GLP2R: variants seen among roughly 807,000 people sequenced by gnomAD.
GLP2R encodes the protein glucagon like peptide 2 receptor.
In GLP2R, 59 loss-of-function variants were observed where a neutral mutation model predicts 68.2. The observed-to-expected ratio is 0.87, with a 90% CI of 0.70 to 1.07. GLP2R has a LOEUF of 1.07. Among genes scored for constraint, GLP2R ranks in the 50% least tolerant of loss-of-function variants. The pLI is 0.00. For missense variants in GLP2R, 548 were observed against 677.4 expected, an observed-to-expected ratio of 0.81 and a Z score of 2.12; for synonymous variants, 270 against 265.4, an observed-to-expected ratio of 1.02 and a Z score of -0.17.
At chr17:9,873,719 G>C (rs1321372939) in intron 10 of GLP2R, among the ~76,000 whole-genome samples, 1 of 152,114 alleles carries the variant, frequency 6.6e-6, no homozygotes, top group Non-Finnish European at 1.5e-5. Context: ...TACACAGCCA[G>C]TGTGGAGGAC....
chr17:9,855,535 A>G (rs1258904962), intron 5 of GLP2R, among the ~76,000 whole-genome samples: 1 of 152,218 alleles, frequency 6.6e-6, no homozygotes, highest in Non-Finnish European at 1.5e-5. Flanking sequence ...CCCAAGGTAA[A>G]CAAATGGATG....
intron 11 of GLP2R, among the ~76,000 whole-genome samples, chr17:9,882,425 C>T (rs2067205540): frequency 6.6e-6 from 1 of 152,186 alleles, no homozygotes. Flanking sequence ...TGACAAGCCC[C>T]CACATATTTC....
chr17:9,882,655 A>T (rs1029518917), intron 11 of GLP2R, among the ~76,000 whole-genome samples: 1 of 152,228 alleles, frequency 6.6e-6, no homozygotes, highest in Non-Finnish European at 1.5e-5. Context: ...AAGGGTATGG[A>T]AGTCTTATGG....
chr17:9,842,207 C>G lies in GLP2R; in HGVS notation c.383-288C>G, dbSNP rs569281048. On this transcript the variant is annotated intron_variant, in intron 3 of 12. Transcript: ENST00000262441. ...AGGAGCCCAGATTGGCATCTCCCAG[C>G]TGGGCTGAACCTTGGAGGGCTTATA... Among the ~76,000 whole-genome samples the G allele has an allele frequency of 6.6e-4, 101 of 152,324 alleles. No homozygotes were observed. The South Asian group carries it at 9.3e-3, about 14-fold the overall frequency.
In GLP2R at chr17:9,890,666, T is replaced by C. The variant is rs1329247947; in HGVS notation, c.*961T>C. ...CCATTGATGCATTGATTGTCACACCTGTTGTCCCAGGAAGTTGACCTATAA... is the reference window on the plus strand; with the variant it reads ...CCATTGATGCATTGATTGTCACACCCGTTGTCCCAGGAAGTTGACCTATAA... On this transcript the variant is annotated 3_prime_UTR_variant, in exon 13 of 13. Coordinates refer to ENST00000262441, the MANE Select transcript of GLP2R (RefSeq NM_004246.3). The C allele has an allele frequency of 2.6e-5, 4 of 152,436 alleles. No individual in the cohort carries two copies. Among genetic ancestry groups the C allele is most frequent in the Admixed American group, 2.0e-4 (3 of 15,292 alleles). The allele number at this position is 152,436 out of a possible 1,614,324, so 9.4% of individuals were successfully genotyped here.
intron 9 of GLP2R, chr17:9,865,688 G>A: frequency 7.8e-6 from 3 of 384,064 alleles, no homozygotes; most frequent in South Asian, 4.1e-5. Flanking sequence ...CTTGGAAACT[G>A]AGTCCTTTAT....
intron 1 of GLP2R, among the ~76,000 whole-genome samples, chr17:9,831,870 G>A (rs2066683144): frequency 6.6e-6 from 1 of 152,160 alleles, no homozygotes; most frequent in African/African-American, 2.4e-5. Context: ...CAAGGGGAAG[G>A]GAGCTGCTGT....
intron 10 of GLP2R, among the ~76,000 whole-genome samples, chr17:9,878,268 C>T (rs1465584368): frequency 2.0e-5 from 3 of 152,290 alleles, no homozygotes; most frequent in African/African-American, 4.8e-5. Flanking sequence ...CAGATCTCCT[C>T]ATTTTTCAAA....
At chr17:9,854,807 T>C (rs149945010) in intron 5 of GLP2R, among the ~76,000 whole-genome samples, 2 of 152,316 alleles carry the variant, frequency 1.3e-5, no homozygotes, top group African/African-American at 4.8e-5. Context: ...TAAAGTTTAA[T>C]TTATAAATTA....
intron 4 of GLP2R, among the ~76,000 whole-genome samples, chr17:9,849,699 G>A (rs1597385669): frequency 7.7e-6 from 1 of 130,142 alleles, no homozygotes; most frequent in Non-Finnish European, 1.5e-5. Flanking sequence ...TGCCAGCTCC[G>A]CCTCCTGGGT....
Position 9,889,736 on chromosome 17 carries a change from C to A in GLP2R, c.*31C>A. 7.1e-7 allele frequency: 1 copy of A among 1,403,988 alleles called. No homozygotes were observed. Among genetic ancestry groups the A allele is most frequent in the Non-Finnish European group, 9.6e-7 (1 of 1,037,736 alleles). 87.0% of individuals were successfully genotyped at this position (1,403,988 alleles called of 1,614,324 possible). ...AGTTCCACCACCCTGGCTCTGCTCC[C>A]AGGGACTCTTGAGGGGGCCCAGGAA... On this transcript the variant is annotated 3_prime_UTR_variant, in exon 13 of 13. Coordinates refer to ENST00000262441, the MANE Select transcript of GLP2R (RefSeq NM_004246.3).
In GLP2R at chr17:9,889,502, G is replaced by T. The variant is rs374730115; in HGVS notation, c.1459G>T (p.Ala487Ser). ...CPKKLSEGDG[A>S]EKLRKLQPSL... is the part of the protein sequence containing the mutation. Reference sequence around the variant, plus strand: ...CAAGAAGCTCTCGGAAGGAGATGGCGCTGAGAAGCTTCGGAAGCTGCAGCC... The same window carrying T: ...CAAGAAGCTCTCGGAAGGAGATGGCTCTGAGAAGCTTCGGAAGCTGCAGCC... Residue 487 changes from alanine to serine, a missense_variant, in exon 13 of 13, where the codon GCT becomes TCT. Physicochemically the swap from Ala to Ser is moderately conservative, Grantham distance 99. Transcript: ENST00000262441. 1.2e-6 allele frequency: 2 copies of T among 1,614,098 alleles called. No homozygotes were observed. The highest frequency in any genetic ancestry group is 1.7e-6 in the Non-Finnish European group (2 of 1,180,032).
At chr17:9,833,709 G>A in intron 1 of GLP2R, 98 bp from the exon 2 acceptor site, 1 of 714,020 alleles carries the variant, frequency 1.4e-6, no homozygotes, top group Non-Finnish European at 2.5e-6. Context: ...GCCATTGTGG[G>A]CACTTCAGTG....
At position 9,826,239 on chromosome 17, in the gene GLP2R, T is replaced by C. The variant is rs1355206657; in HGVS notation, c.176T>C (p.Val59Ala). The change falls in exon 1 of 13, where the codon GTT becomes GCT. Residue 59 changes from valine to alanine, a missense_variant. Physicochemically the swap from Val to Ala is moderately conservative, Grantham distance 64. Transcript: ENST00000262441. ...CCCTTCCTCACTCTGGTCCTGCTGGTTTCCATCAAGCAAGTAAGAGCAGTT... is the reference window on the plus strand; with the variant it reads ...CCCTTCCTCACTCTGGTCCTGCTGGCTTCCATCAAGCAAGTAAGAGCAGTT... ...GRPFLTLVLL[V>A]SIKQVTGSLL... 1.9e-6 allele frequency: 3 copies of C among 1,595,792 alleles called. No homozygotes were observed. Among genetic ancestry groups the C allele is most frequent in the African/African-American group, 2.7e-5 (2 of 73,684 alleles).
chr17:9,842,801 C>T (rs1381227672), intron 4 of GLP2R, among the ~76,000 whole-genome samples, 185 bp downstream of exon 4: 2 of 152,230 alleles, frequency 1.3e-5, no homozygotes, highest in African/African-American at 2.4e-5. Flanking sequence ...TCTTCCACTA[C>T]TAGGCTGACA....
At chr17:9,861,501 A>G (rs1521459) in intron 8 of GLP2R, among the ~76,000 whole-genome samples, 61,168 of 152,088 alleles carry the variant, frequency 0.4, 13,266 homozygotes, top group African/African-American at 0.56. Context: ...AAAAAAATTA[A>G]CAAAACTAAA....
intron 10 of GLP2R, among the ~76,000 whole-genome samples, chr17:9,873,425 G>T (rs1174981076): frequency 6.6e-6 from 1 of 152,140 alleles, no homozygotes; most frequent in East Asian, 1.9e-4. Context: ...AGCCTTGTGA[G>T]CCCTACCACT....
chr17:9,844,668 C>CTTTTTTTTTTT lies in GLP2R; in HGVS notation c.504+2080_504+2090dup, dbSNP rs71139004. ...ATTCTCAATATTTTACTACCTAATT[C>CTTTTTTTTTTT]TTTTTTTTTTTTTTTTTTTTTTTTT... On this transcript the variant is annotated intron_variant, in intron 4 of 12. Transcript: ENST00000262441. Among the ~76,000 whole-genome samples the CTTTTTTTTTTT allele has an allele frequency of 2.5e-3, 110 of 44,314 alleles. 36 individuals carry two copies. Among genetic ancestry groups the CTTTTTTTTTTT allele is most frequent in the Non-Finnish European group, 3.6e-3 (78 of 21,404 alleles). 29.1% of individuals were successfully genotyped at this position (44,314 alleles called of 152,430 possible).
At chr17:9,833,769 C>T in intron 1 of GLP2R, 38 bp from the exon 2 acceptor site, 1 of 1,304,350 alleles carries the variant, frequency 7.7e-7, no homozygotes, top group Non-Finnish European at 1.1e-6. Context: ...CACATCTGTG[C>T]TTGGTCACTG....
Sources: allele counts gnomAD v4.1 joint callset (sites outside exome capture counted in the v4.1 genomes callset), GRCh38; gene constraint gnomAD v4.1.1; transcripts MANE v1.5; gene names NCBI Gene and HGNC (gene_info 2026-07-23, HGNC 2026-07-21).